The following MACROD1 variants were observed in gnomAD, a reference collection of about 807,000 sequenced individuals.
MACROD1 encodes the protein mono-ADP ribosylhydrolase 1, also known as ADP-ribose glycohydrolase MACROD1.
MACROD1 carries 31 observed loss-of-function variants against 41.4 expected under a neutral mutation model. That is an observed-to-expected ratio of 0.75 (90% CI 0.56 to 1.01). MACROD1 has a LOEUF of 1.01. Ranked by LOEUF, MACROD1 falls within the 50% of genes least tolerant of loss-of-function variation. The probability of loss-of-function intolerance (pLI) is 0.00; values close to 1 mark genes in which losing one functional copy is unlikely to be tolerated. For missense variants in MACROD1, 473 were observed against 460.0 expected, an observed-to-expected ratio of 1.03 and a Z score of -0.26; for synonymous variants, 252 against 203.4, an observed-to-expected ratio of 1.24 and a Z score of -2.03.
chr11:64,027,764 G>A (rs1177905272), intron 3 of MACROD1, among the ~76,000 whole-genome samples: 1 of 152,082 alleles, frequency 6.6e-6, no homozygotes, highest in Non-Finnish European at 1.5e-5. Flanking sequence ...TACAATTTCC[G>A]TGGGAGGATC....
At chr11:64,052,684 A>T (rs1943716130) in intron 3 of MACROD1, among the ~76,000 whole-genome samples, 1 of 152,200 alleles carries the variant, frequency 6.6e-6, no homozygotes, top group South Asian at 2.1e-4. Flanking sequence ...TGTTTTGCAA[A>T]TGAGGAAATG....
At chr11:64,053,397 C>A (rs1297798260) in intron 3 of MACROD1, among the ~76,000 whole-genome samples, 1 of 152,204 alleles carries the variant, frequency 6.6e-6, no homozygotes, top group Non-Finnish European at 1.5e-5. Flanking sequence ...TGGTTTCCTG[C>A]AGATCTGTAC....
chr11:64,010,828 G>C (rs1382364696), intron 4 of MACROD1, among the ~76,000 whole-genome samples: 1 of 142,676 alleles, frequency 7.0e-6, no homozygotes, highest in South Asian at 2.2e-4. Context: ...ATTGGTTGGG[G>C]TGTTGGCTTG....
chr11:64,014,512 G>A (rs188750479), intron 4 of MACROD1, among the ~76,000 whole-genome samples: 217 of 152,302 alleles, frequency 1.4e-3, no homozygotes, highest in South Asian at 1.7e-3. Flanking sequence ...TTTATCCGAC[G>A]GCACATTAAC....
chr11:64,070,110 C>T (rs1366141318), intron 3 of MACROD1, among the ~76,000 whole-genome samples: 1 of 152,172 alleles, frequency 6.6e-6, no homozygotes, highest in Admixed American at 6.5e-5. Context: ...GCTGTTATCA[C>T]TATTATACCC....
At chr11:64,039,661 A>G (rs1943448621) in intron 3 of MACROD1, among the ~76,000 whole-genome samples, 1 of 152,218 alleles carries the variant, frequency 6.6e-6, no homozygotes, top group Admixed American at 6.5e-5. Flanking sequence ...GGAGACACCA[A>G]GAGGGTTCCA....
Position 63,998,608 on chromosome 11 carries a change from A to C in MACROD1, c.*110T>G. The C allele has an allele frequency of 1.3e-5, 16 of 1,250,064 alleles. No individual in the cohort carries two copies. The highest frequency in any genetic ancestry group is 9.9e-5 in the East Asian group (3 of 30,180). The allele number at this position is 1,250,064 out of a possible 1,614,324, so 77.4% of individuals were successfully genotyped here. On this transcript the variant is annotated 3_prime_UTR_variant, in exon 11 of 11. Coordinates refer to ENST00000255681, the MANE Select transcript of MACROD1 (RefSeq NM_014067.4). ...TCCTCGGGGGCGGGGCGCGGAGGGA[A>C]AGAAGGGGTGGCCAGGCCCAGGCCA...
chr11:64,045,746 T>C (rs1565207651), intron 3 of MACROD1, among the ~76,000 whole-genome samples: 1 of 152,104 alleles, frequency 6.6e-6, no homozygotes, highest in African/African-American at 2.4e-5. Flanking sequence ...AAACCAGAAA[T>C]AGACCTCACT....
intron 3 of MACROD1, among the ~76,000 whole-genome samples, chr11:64,016,598 G>A (rs996921398): frequency 1.3e-5 from 2 of 152,244 alleles, no homozygotes; most frequent in Non-Finnish European, 2.9e-5. Flanking sequence ...GGGCGGCTCC[G>A]AGTGGCTGGT....
chr11:64,081,388 G>A (rs949199606), intron 3 of MACROD1, among the ~76,000 whole-genome samples: 5 of 152,162 alleles, frequency 3.3e-5, no homozygotes, highest in South Asian at 4.1e-4. Context: ...AGTGCTGGGC[G>A]TGCTCAGGGA....
At chr11:64,048,433 G>A (rs1943627330) in intron 3 of MACROD1, among the ~76,000 whole-genome samples, 1 of 152,204 alleles carries the variant, frequency 6.6e-6, no homozygotes, top group Admixed American at 6.5e-5. Context: ...CGTTGGCCTG[G>A]GACGGGTGTG....
At chr11:64,065,510 C>A (rs1408227649) in intron 3 of MACROD1, among the ~76,000 whole-genome samples, 4 of 152,140 alleles carry the variant, frequency 2.6e-5, no homozygotes, top group African/African-American at 9.7e-5. Context: ...GAACAAGGGG[C>A]CAGGCGCGGT....
chr11:64,009,877 C>T (rs1942972994), intron 4 of MACROD1, among the ~76,000 whole-genome samples: 1 of 152,268 alleles, frequency 6.6e-6, no homozygotes, highest in African/African-American at 2.4e-5. Flanking sequence ...GCAGGCCAGT[C>T]CCAGCCCCAT....
At chr11:64,121,345 C>T (rs767341818) in intron 3 of MACROD1, among the ~76,000 whole-genome samples, 21 of 152,238 alleles carry the variant, frequency 1.4e-4, no homozygotes, top group Non-Finnish European at 7.3e-5. Context: ...GTGGGGATCA[C>T]CCACCCACTG....
intron 3 of MACROD1, among the ~76,000 whole-genome samples, chr11:64,142,541 C>T (rs1358450353): frequency 6.6e-6 from 1 of 152,176 alleles, no homozygotes; most frequent in Non-Finnish European, 1.5e-5. Context: ...GTGCCGCCCC[C>T]CAGCCAATGC....
At chr11:64,003,680 C>G (rs1942863522) in intron 4 of MACROD1, among the ~76,000 whole-genome samples, 1 of 152,224 alleles carries the variant, frequency 6.6e-6, no homozygotes, top group Non-Finnish European at 1.5e-5. Flanking sequence ...AACTGAGGCA[C>G]AGAGAGCAAA....
rs1244458536 is a variant in MACROD1 at position 63,998,702 on chromosome 11, G to C, written c.*31-15C>G. Reference sequence around the variant, plus strand: ...CGAAGGCGGGTCTGAGGGCAGAGCAGAGTCAGAGGTGTCTATGGGCGTCCC... The same window carrying C: ...CGAAGGCGGGTCTGAGGGCAGAGCACAGTCAGAGGTGTCTATGGGCGTCCC... On this transcript the variant is annotated splice_polypyrimidine_tract_variant and intron_variant, in intron 10 of 10. Coordinates refer to ENST00000255681, the MANE Select transcript of MACROD1 (RefSeq NM_014067.4). 29 of 1,384,474 alleles carry C rather than the reference G, an allele frequency of 2.1e-5. No individual in the cohort carries two copies. The East Asian group carries it at 7.9e-4, about 38-fold the overall frequency. The allele number at this position is 1,384,474 out of a possible 1,614,324, so 85.8% of individuals were successfully genotyped here. A position where few individuals can be genotyped will look rare whatever the true frequency, so the allele number is the denominator to read the frequency against.
chr11:64,025,019 C>T (rs1173508556), intron 3 of MACROD1, among the ~76,000 whole-genome samples: 1 of 152,144 alleles, frequency 6.6e-6, no homozygotes, highest in Non-Finnish European at 1.5e-5. Flanking sequence ...CTCTGTCGCC[C>T]AGGCTGGAGT....
At chr11:64,070,401 G>C (rs1765610366) in intron 3 of MACROD1, among the ~76,000 whole-genome samples, 1 of 152,206 alleles carries the variant, frequency 6.6e-6, no homozygotes, top group Non-Finnish European at 1.5e-5. Flanking sequence ...ATAAAATAGA[G>C]CCGGCCACGC....
Sources: allele counts gnomAD v4.1 joint callset (sites outside exome capture counted in the v4.1 genomes callset), GRCh38; gene constraint gnomAD v4.1.1; transcripts MANE v1.5; gene names NCBI Gene and HGNC (gene_info 2026-07-23, HGNC 2026-07-21).